The following ERCC8 variants were observed in gnomAD, a reference collection of about 807,000 sequenced individuals.
ERCC8 encodes the protein ERCC excision repair 8, CSA ubiquitin ligase complex subunit.
Under a neutral mutation model 54.9 loss-of-function variants are expected in ERCC8, and 52 were observed. The ratio of observed to expected loss-of-function variants is 0.95; its 90% CI spans 0.76 to 1.19. ERCC8 has a LOEUF of 1.19. Among genes scored for constraint, ERCC8 ranks in the 50% most tolerant of loss-of-function variants. ERCC8 has a pLI of 0.00. For missense variants in ERCC8, 514 were observed against 466.1 expected (o/e 1.10, Z -0.95); for synonymous variants, 146 against 157.2 (o/e 0.93, Z 0.53).
At chr5:60,903,118 T>C (rs1748949681) in intron 6 of ERCC8, among the ~76,000 whole-genome samples, 1 of 151,992 alleles carries the variant, frequency 6.6e-6, no homozygotes, top group Non-Finnish European at 1.5e-5. Flanking sequence ...ATATTTGTTA[T>C]GTGTTTCTTT....
At chr5:60,900,954 C>A (rs1243337171) in intron 7 of ERCC8, 2 of 152,008 alleles carry the variant, frequency 1.3e-5, no homozygotes, top group South Asian at 2.1e-4. Context: ...ACATTCTAGA[C>A]CTTGCTGCAC....
chr5:60,899,504 GC>G, intron 8 of ERCC8, 122 bp downstream of exon 8: 1 of 699,748 alleles, frequency 1.4e-6, no homozygotes, highest in Non-Finnish European at 2.6e-6. Context: ...TACGATGAAT[GC>G]CTTTTGAAAA....
Position 60,944,945 on chromosome 5 carries a change from C to G in ERCC8, c.64G>C (p.Glu22Gln). Residue 22 changes from glutamate (E) to glutamine (Q), a missense_variant, in exon 1 of 12, where the codon GAG becomes CAG. Transcript: ENST00000676185. ...LEDPLRLRRA[E>Q]STRRVLGLEL... The stretch of plus-strand genomic sequence containing the variant: ...GGTTTTCTTTACCTCCGTGTTGACT[C>G]TGCTCTCCGAAGGCGAAGAGGGTCC... The G allele has an allele frequency of 6.2e-7, 1 of 1,613,942 alleles. No homozygotes were observed. Among genetic ancestry groups the G allele is most frequent in the African/African-American group, 1.3e-5 (1 of 75,038 alleles).
rs1747751225 is a variant in ERCC8 at position 60,866,464 on chromosome 5, A to G, written c.*8151T>C. Reference sequence around the variant, plus strand: ...GTTCTATTGGCTGAGTGATTCTTATATTTCAGAACTTTATTTCATTTATTC... The same window carrying G: ...GTTCTATTGGCTGAGTGATTCTTATGTTTCAGAACTTTATTTCATTTATTC... On this transcript the variant is annotated 3_prime_UTR_variant, in exon 12 of 12. Transcript: ENST00000676185. 1 of 152,142 alleles carries G rather than the reference A, an allele frequency of 6.6e-6. No individual in the cohort carries two copies. The highest frequency in any genetic ancestry group is 2.1e-4 in the South Asian group (1 of 4,828). The allele number at this position is 152,142 out of a possible 1,614,324, so 9.4% of individuals were successfully genotyped here.
At chr5:60,926,357 T>C (rs1315460005) in intron 2 of ERCC8, among the ~76,000 whole-genome samples, 2 of 152,202 alleles carry the variant, frequency 1.3e-5, no homozygotes, top group African/African-American at 4.8e-5. Flanking sequence ...TGTGTAATGA[T>C]GTAGTAGATT....
At chr5:60,942,384 T>G (rs1434492250) in intron 1 of ERCC8, among the ~76,000 whole-genome samples, 1 of 152,124 alleles carries the variant, frequency 6.6e-6, no homozygotes, top group Non-Finnish European at 1.5e-5. Context: ...GTATTAGTCC[T>G]GAACTGGAAA....
At chr5:60,915,739 C>T (rs925913127) in intron 4 of ERCC8, among the ~76,000 whole-genome samples, 9 of 152,100 alleles carry the variant, frequency 5.9e-5, no homozygotes, top group South Asian at 2.1e-4. Context: ...AAATTTACCC[C>T]GTCTCCTTCT....
intron 1 of ERCC8, among the ~76,000 whole-genome samples, chr5:60,932,817 G>A (rs185418251): frequency 2.0e-3 from 311 of 152,166 alleles, no homozygotes; most frequent in African/African-American, 7.2e-3. Context: ...GAAAAGAGAA[G>A]GGAAAATGGG....
In ERCC8 at chr5:60,931,302, A is replaced by T. The variant is rs551666306; in HGVS notation, c.78-2343T>A. On this transcript the variant is annotated intron_variant, in intron 1 of 11. Transcript: ENST00000676185. ...AGCCGCATTTGAACTTTAACATTAA[A>T]TTTTTTTTTAAATTTACTTTTAGAG... 7.9e-5 allele frequency among the ~76,000 whole-genome samples: 12 copies of T among 151,846 alleles called. No homozygotes were observed. The East Asian group carries it at 1.5e-3, about 20-fold the overall frequency.
At chr5:60,908,585 T>A (rs573589511) in intron 4 of ERCC8, among the ~76,000 whole-genome samples, 3,666 of 132,086 alleles carry the variant, frequency 0.028, 74 homozygotes, top group African/African-American at 0.065. Context: ...ATATATATAT[T>A]TTTTTTTTAA....
intron 11 of ERCC8, among the ~76,000 whole-genome samples, chr5:60,877,468 C>G (rs545079299): frequency 6.6e-6 from 1 of 152,156 alleles, no homozygotes; most frequent in Non-Finnish European, 1.5e-5. Flanking sequence ...CCTTGGGCAG[C>G]ATGGCCATTT....
At chr5:60,928,420 C>T (rs966548956) in intron 2 of ERCC8, among the ~76,000 whole-genome samples, 18 of 152,044 alleles carry the variant, frequency 1.2e-4, no homozygotes, top group African/African-American at 2.2e-4. Flanking sequence ...ACTGATAATT[C>T]GAAAGGTTAG....
chr5:60,936,633 C>T (rs1173689108), intron 1 of ERCC8, among the ~76,000 whole-genome samples: 1 of 152,030 alleles, frequency 6.6e-6, no homozygotes, highest in Non-Finnish European at 1.5e-5. Context: ...TGTGCTGTTT[C>T]AGACTTCCTG....
At chr5:60,877,594 C>A (rs554395834) in intron 11 of ERCC8, among the ~76,000 whole-genome samples, 3 of 151,586 alleles carry the variant, frequency 2.0e-5, no homozygotes, top group African/African-American at 7.3e-5. Flanking sequence ...CCTTCACATC[C>A]CTTGTAAGTT....
intron 2 of ERCC8, chr5:60,924,416 C>T (rs952676522): frequency 6.5e-6 from 1 of 154,446 alleles, no homozygotes; most frequent in Non-Finnish European, 1.5e-5. Flanking sequence ...ACAATTTATC[C>T]GTCCTTTTTG....
chr5:60,943,926 C>T (rs984772818), intron 1 of ERCC8, among the ~76,000 whole-genome samples: 3 of 152,138 alleles, frequency 2.0e-5, no homozygotes, highest in South Asian at 2.1e-4. Context: ...ACATTGAAAA[C>T]GTAATGGATA....
At chr5:60,918,679 T>A in intron 3 of ERCC8, 2 of 376,658 alleles carry the variant, frequency 5.3e-6, no homozygotes, top group Admixed American at 8.3e-5. Context: ...ACACTGGTCT[T>A]CTTTCATCTT....
chr5:60,875,683 T>C (rs1747975884), intron 11 of ERCC8, among the ~76,000 whole-genome samples: 1 of 152,098 alleles, frequency 6.6e-6, no homozygotes. Flanking sequence ...TTATTGCCTT[T>C]TATAACTTAG....
At position 60,874,693 on chromosome 5, in the gene ERCC8, A is replaced by AG; in HGVS notation, c.1123-11_1123-10insC. ...GTGATTTTGTTGTAGTCTAAAAAAA[A>AG]AAAAGATAAAGAAAAAGGAAGATTC... On this transcript the variant is annotated splice_polypyrimidine_tract_variant and intron_variant, in intron 11 of 11. Transcript: ENST00000676185. 1.3e-6 allele frequency: 2 copies of AG among 1,597,162 alleles called. No homozygotes were observed. The highest frequency in any genetic ancestry group is 1.7e-6 in the Non-Finnish European group (2 of 1,174,638).
Sources: allele counts gnomAD v4.1 joint callset (sites outside exome capture counted in the v4.1 genomes callset), GRCh38; gene constraint gnomAD v4.1.1; transcripts MANE v1.5; gene names NCBI Gene and HGNC (gene_info 2026-07-23, HGNC 2026-07-21).